The following BST1 variants were observed in gnomAD, a reference collection of about 807,000 sequenced individuals.
BST1 encodes the protein ADP-ribosyl cyclase/cyclic ADP-ribose hydrolase 2.
Under a neutral mutation model 40.6 loss-of-function variants are expected in BST1, and 49 were observed. That is an observed-to-expected ratio of 1.21 (90% CI 0.96 to 1.53). The LOEUF (loss-of-function observed/expected upper bound fraction) is 1.53, where lower values mean the gene tolerates loss of function less well. Among genes scored for constraint, BST1 ranks in the 40% most tolerant of loss-of-function variants. BST1 has a pLI of 0.00. For missense variants in BST1, 423 were observed against 395.9 expected (o/e 1.07, Z -0.58); for synonymous variants, 157 against 159.3 (o/e 0.99, Z 0.11).
chr4:15,726,118 C>A (rs1326392122), intron 8 of BST1, among the ~76,000 whole-genome samples: 1 of 149,616 alleles, frequency 6.7e-6, no homozygotes, highest in Non-Finnish European at 1.5e-5. Flanking sequence ...CTTACCACTA[C>A]GCCAGCTAAC....
intron 8 of BST1, chr4:15,723,725 G>C (rs1303879030): frequency 4.6e-6 from 3 of 646,220 alleles, no homozygotes; most frequent in Non-Finnish European, 5.8e-6. Flanking sequence ...CTGAGTCAAA[G>C]AATGTGTGTG....
At chr4:15,743,712 C>T in the BST1 span, 4 of 166,178 alleles carry the variant, frequency 2.4e-5, no homozygotes, top group African/African-American at 4.8e-5. Flanking sequence ...AGCAATCTCA[C>T]ATGTTGAGCC....
intron 4 of BST1, among the ~76,000 whole-genome samples, chr4:15,714,984 G>A (rs934419866): frequency 6.6e-6 from 1 of 152,208 alleles, no homozygotes; most frequent in Non-Finnish European, 1.5e-5. Context: ...CTGCAGTTTC[G>A]AGGTTCTTTG....
downstream of BST1, among the ~76,000 whole-genome samples, chr4:15,740,185 CTG>C (rs1721710424): frequency 6.6e-6 from 1 of 152,156 alleles, no homozygotes; most frequent in South Asian, 2.1e-4. Flanking sequence ...TCCCTAGCAG[CTG>C]GGACTACAGG....
At chr4:15,709,188 A>AT (rs761842926) in intron 3 of BST1, among the ~76,000 whole-genome samples, 12 of 152,274 alleles carry the variant, frequency 7.9e-5, no homozygotes, top group Non-Finnish European at 1.3e-4. Context: ...AAAGTGTTGC[A>AT]TTTTTACCTA....
At chr4:15,721,466 A>G (rs1720805377) in intron 7 of BST1, among the ~76,000 whole-genome samples, 1 of 152,234 alleles carries the variant, frequency 6.6e-6, no homozygotes, top group African/African-American at 2.4e-5. Flanking sequence ...ACCATGGAAT[A>G]CTATGCAGCC....
chr4:15,761,758 G>A, the BST1 span, among the ~76,000 whole-genome samples: 1 of 151,928 alleles, frequency 6.6e-6, no homozygotes, highest in African/African-American at 2.4e-5. Flanking sequence ...TGTCCAGAAG[G>A]TCTTTATATT....
the BST1 span, among the ~76,000 whole-genome samples, chr4:15,755,456 A>G: frequency 6.6e-6 from 1 of 152,178 alleles, no homozygotes; most frequent in Non-Finnish European, 1.5e-5. Context: ...CTTATAAACA[A>G]TGCTGCAATG....
chr4:15,748,671 G>T, the BST1 span, among the ~76,000 whole-genome samples: 1 of 152,200 alleles, frequency 6.6e-6, no homozygotes, highest in Non-Finnish European at 1.5e-5. Context: ...GCTGCAGGGG[G>T]TGAGGGGCTC....
intron 1 of BST1, among the ~76,000 whole-genome samples, chr4:15,704,040 GGTGT>G (rs1162993331): frequency 2.1e-5 from 3 of 146,222 alleles, no homozygotes; most frequent in Non-Finnish European, 1.5e-5. Context: ...GTGTTCTAGA[GGTGT>G]GTGTGTATCT....
chr4:15,739,416 T>C (rs1721682728), downstream of BST1, among the ~76,000 whole-genome samples: 1 of 152,220 alleles, frequency 6.6e-6, no homozygotes, highest in South Asian at 2.1e-4. Flanking sequence ...CTAAAGCACA[T>C]GTATTCTTTG....
At chr4:15,737,179 C>T (rs1721600851), downstream of BST1, among the ~76,000 whole-genome samples, 1 of 152,160 alleles carries the variant, frequency 6.6e-6, no homozygotes, top group Admixed American at 6.5e-5. Context: ...TAGATCAGCC[C>T]TGTATAAGTG....
At chr4:15,736,186 G>A, downstream of BST1, 1 of 1,231,454 alleles carries the variant, frequency 8.1e-7, no homozygotes, top group Non-Finnish European at 1.1e-6. Flanking sequence ...CTCTGCTTCT[G>A]CTTGGTTTCT....
chr4:15,749,693 TA>T, the BST1 span, among the ~76,000 whole-genome samples: 1 of 140,240 alleles, frequency 7.1e-6, no homozygotes, highest in Admixed American at 7.1e-5. Context: ...ATTTGAAATT[TA>T]TTTTTTTGTG....
rs762584126 is a variant in BST1 at position 15,705,477 on chromosome 4, G to C, written c.189-38G>C. 12 of 1,538,690 alleles carry C rather than the reference G, an allele frequency of 7.8e-6. No homozygotes were observed. In the South Asian group the frequency reaches 1.6e-4, roughly 20 times the overall value. On this transcript the variant is annotated intron_variant, in intron 1 of 8. Coordinates refer to ENST00000265016, the MANE Select transcript of BST1 (RefSeq NM_004334.3). ...CATACTTCACAACACATTATGATGT[G>C]CATGTGTGTGTTCTTCCCAACTTGT...
chr4:15,719,606 CTG>C (rs1180709861), intron 7 of BST1, among the ~76,000 whole-genome samples: 1 of 152,188 alleles, frequency 6.6e-6, no homozygotes, highest in Non-Finnish European at 1.5e-5. Context: ...GCCCCTAAGA[CTG>C]TGGACCTGCT....
chr4:15,721,941 A>C (rs1720831812), intron 7 of BST1, among the ~76,000 whole-genome samples: 2 of 152,106 alleles, frequency 1.3e-5, no homozygotes, highest in Non-Finnish European at 2.9e-5. Flanking sequence ...TGATCGTGCC[A>C]CAGAGATCCT....
At chr4:15,730,187 G>A (rs1322241421) in intron 8 of BST1, among the ~76,000 whole-genome samples, 1 of 152,142 alleles carries the variant, frequency 6.6e-6, no homozygotes, top group African/African-American at 2.4e-5. Context: ...ATGGAGTCAG[G>A]AACTTTTAAG....
Position 15,703,138 on chromosome 4 carries a change from T to C in BST1, c.-7T>C. On this transcript the variant is annotated 5_prime_UTR_variant, in exon 1 of 9. Transcript: ENST00000265016. ...AAGCACGGGACTGGAGGGACCAAAG[T>C]TCCCCGATGGCGGCCCAGGGGTGCG... The C allele has an allele frequency of 6.3e-7, 1 of 1,582,338 alleles. No individual in the cohort carries two copies. Among genetic ancestry groups the C allele is most frequent in the Non-Finnish European group, 8.6e-7 (1 of 1,166,986 alleles).
Sources: allele counts gnomAD v4.1 joint callset (sites outside exome capture counted in the v4.1 genomes callset), GRCh38; gene constraint gnomAD v4.1.1; transcripts MANE v1.5; gene names NCBI Gene and HGNC (gene_info 2026-07-23, HGNC 2026-07-21).